Variants in PLA2G4C observed in about 807,000 individuals in gnomAD.
PLA2G4C encodes the protein cytosolic phospholipase A2 gamma.
PLA2G4C carries 64 observed loss-of-function variants against 73.8 expected under a neutral mutation model. The observed-to-expected ratio is 0.87, with a 90% CI of 0.71 to 1.07. The LOEUF (loss-of-function observed/expected upper bound fraction) is 1.07, where lower values mean the gene tolerates loss of function less well. Ranked by LOEUF, PLA2G4C falls within the 50% of genes least tolerant of loss-of-function variation. The pLI is 0.00. For synonymous variants in PLA2G4C, 254 were observed against 252.1 expected, an observed-to-expected ratio of 1.01 and a Z score of -0.07; for missense variants, 622 against 665.4, an observed-to-expected ratio of 0.93 and a Z score of 0.72.
At chr19:48,057,318 G>C (rs978676718) in intron 14 of PLA2G4C, among the ~76,000 whole-genome samples, 2 of 151,762 alleles carry the variant, frequency 1.3e-5, no homozygotes, top group Non-Finnish European at 2.9e-5. Flanking sequence ...GCCCAGTAGA[G>C]ATGTCGGAGT....
At chr19:48,094,770 GT>G (rs763899395) in intron 7 of PLA2G4C, among the ~76,000 whole-genome samples, 15 of 152,114 alleles carry the variant, frequency 9.9e-5, no homozygotes, top group Non-Finnish European at 2.1e-4. Flanking sequence ...CACTATGACT[GT>G]TTTGTTTTTG....
intron 12 of PLA2G4C, 143 bp from the exon 13 acceptor site, chr19:48,068,029 C>T (rs1175568337): frequency 1.3e-5 from 9 of 673,056 alleles, no homozygotes; most frequent in Admixed American, 2.2e-5. Flanking sequence ...TCAGGGCCGG[C>T]GCGTTGGCTC....
intron 14 of PLA2G4C, among the ~76,000 whole-genome samples, chr19:48,058,247 C>T (rs918181177): frequency 8.6e-5 from 13 of 151,530 alleles, no homozygotes; most frequent in African/African-American, 1.7e-4. Context: ...TGTGGCAAGC[C>T]GATATCGTGC....
intron 11 of PLA2G4C, among the ~76,000 whole-genome samples, chr19:48,077,056 C>T (rs988987782): frequency 2.0e-5 from 3 of 152,176 alleles, no homozygotes; most frequent in African/African-American, 7.2e-5. Context: ...TCATGACTCC[C>T]AACCTATGTA....
At chr19:48,058,686 C>T (rs181373071) in intron 14 of PLA2G4C, among the ~76,000 whole-genome samples, 29 of 151,782 alleles carry the variant, frequency 1.9e-4, no homozygotes, top group African/African-American at 4.1e-4. Context: ...GGCATGGTGG[C>T]GGGCGCCTGT....
At chr19:48,100,603 T>TCAAA (rs1568452658) in intron 4 of PLA2G4C, among the ~76,000 whole-genome samples, 2 of 40,652 alleles carry the variant, frequency 4.9e-5, no homozygotes, top group African/African-American at 1.5e-4. Flanking sequence ...TGACTCCATC[T>TCAAA]AAAAAAAAAA....
At chr19:48,107,474 G>C (rs997785451) in intron 1 of PLA2G4C, among the ~76,000 whole-genome samples, 1 of 152,192 alleles carries the variant, frequency 6.6e-6, no homozygotes, top group Non-Finnish European at 1.5e-5. Flanking sequence ...ACAAGTGTGA[G>C]CCCTCTGTCA....
At chr19:48,065,198 A>C (rs1160541305) in intron 13 of PLA2G4C, among the ~76,000 whole-genome samples, 1 of 147,308 alleles carries the variant, frequency 6.8e-6, no homozygotes, top group East Asian at 2.1e-4. Flanking sequence ...AAATATATCT[A>C]AGATATACCT....
At position 48,110,562 on chromosome 19, in the gene PLA2G4C, C is replaced by T; in HGVS notation, c.-108G>A. 1 of 1,473,780 alleles carries T rather than the reference C, an allele frequency of 6.8e-7. No individual in the cohort carries two copies. Among genetic ancestry groups the T allele is most frequent in the Non-Finnish European group, 9.0e-7 (1 of 1,107,318 alleles). 91.3% of individuals were successfully genotyped at this position (1,473,780 alleles called of 1,614,324 possible). ...GGAATCCGGTGCGGAGGCTTGGGCT[C>T]CCTGCGCTTAGCGGTGTAGTCGCTG... On this transcript the variant is annotated 5_prime_UTR_variant, in exon 1 of 17. Transcript: ENST00000599921.
rs548688675 is a variant in PLA2G4C, at chr19:48,098,713, TAAAAAAAAAAA to T, written c.448-465_448-455del. 9.1e-3 allele frequency among the ~76,000 whole-genome samples: 281 copies of T among 30,898 alleles called. 2 individuals are homozygous for T. The highest frequency in any genetic ancestry group is 0.013 in the Non-Finnish European group (223 of 16,870). The allele number at this position is 30,898 out of a possible 152,430, so 20.3% of individuals were successfully genotyped here. A position where few individuals can be genotyped will look rare whatever the true frequency, so the allele number is the denominator to read the frequency against. On this transcript the variant is annotated intron_variant, in intron 5 of 16. Coordinates refer to ENST00000599921, the MANE Select transcript of PLA2G4C (RefSeq NM_003706.3). Reference sequence around the variant, plus strand: ...GAGCAAAAAAGCGAAACCCTATCTCTAAAAAAAAAAAAAAAAAAAAAAAAAAAAAAAAAAAA... The same window carrying T: ...GAGCAAAAAAGCGAAACCCTATCTCTAAAAAAAAAAAAAAAAAAAAAAAAA...
At chr19:48,068,069 C>T (rs181523872) in intron 12 of PLA2G4C, 183 bp from the exon 13 acceptor site, 30 of 578,792 alleles carry the variant, frequency 5.2e-5, no homozygotes, top group Middle Eastern at 4.4e-4. Flanking sequence ...TTTGGGAGGC[C>T]GAGGCAGAAG....
At chr19:48,086,533 C>T (rs1014137704) in intron 9 of PLA2G4C, among the ~76,000 whole-genome samples, 3 of 152,208 alleles carry the variant, frequency 2.0e-5, no homozygotes, top group East Asian at 1.9e-4. Flanking sequence ...CCCTGCCACC[C>T]GCCCTGGTGG....
At chr19:48,089,816 A>G (rs1189646272) in intron 8 of PLA2G4C, among the ~76,000 whole-genome samples, 1 of 152,128 alleles carries the variant, frequency 6.6e-6, no homozygotes, top group Non-Finnish European at 1.5e-5. Context: ...TCCACCACCC[A>G]GTTCTCCTAT....
chr19:48,071,586 C>G (rs1236180595), intron 12 of PLA2G4C, among the ~76,000 whole-genome samples: 1 of 151,958 alleles, frequency 6.6e-6, no homozygotes. Flanking sequence ...CATGAGCCAC[C>G]ACACCCGGCC....
chr19:48,082,496 C>CTTTTTTTTTTTTT lies in PLA2G4C; in HGVS notation c.844+2550_844+2562dup, dbSNP rs66641645. On this transcript the variant is annotated intron_variant, in intron 10 of 16. Coordinates refer to ENST00000599921, the MANE Select transcript of PLA2G4C (RefSeq NM_003706.3). ...TTTTTTTCTTTTTCTTTCTTTCTTT[C>CTTTTTTTTTTTTT]TTTTTTTTTTTTTTTTTTTTGAGAC... Among the ~76,000 whole-genome samples the CTTTTTTTTTTTTT allele has an allele frequency of 1.6e-3, 166 of 106,272 alleles. 1 individual carries two copies. Among genetic ancestry groups the CTTTTTTTTTTTTT allele is most frequent in the Non-Finnish European group, 1.9e-3 (109 of 56,634 alleles). 69.7% of individuals were successfully genotyped at this position (106,272 alleles called of 152,430 possible). A position where few individuals can be genotyped will look rare whatever the true frequency, so the allele number is the denominator to read the frequency against.
chr19:48,101,127 T>TATA (rs1491266778), intron 4 of PLA2G4C, among the ~76,000 whole-genome samples: 43 of 43,362 alleles, frequency 9.9e-4, no homozygotes, highest in Admixed American at 1.7e-3. Context: ...TATATATATA[T>TATA]TTTTTTTTTT....
chr19:48,075,009 C>G lies in PLA2G4C; in HGVS notation c.899-135G>C, dbSNP rs2030043507. On this transcript the variant is annotated intron_variant, in intron 11 of 16. Coordinates refer to ENST00000599921, the MANE Select transcript of PLA2G4C (RefSeq NM_003706.3). ...GTGACCTCCTTCTCCAGGTGACCCTCTCTCCCCTTGCCTTCTGCTGACCCC... is the reference window on the plus strand; with the variant it reads ...GTGACCTCCTTCTCCAGGTGACCCTGTCTCCCCTTGCCTTCTGCTGACCCC... The G allele has an allele frequency of 3.3e-5, 19 of 576,462 alleles. No individual in the cohort carries two copies. The South Asian group carries it at 4.0e-4, about 12-fold the overall frequency. 35.7% of individuals were successfully genotyped at this position (576,462 alleles called of 1,614,324 possible).
At chr19:48,106,409 T>C (rs1449936178) in intron 2 of PLA2G4C, 113 bp downstream of exon 2, 3 of 863,114 alleles carry the variant, frequency 3.5e-6, no homozygotes, top group Non-Finnish European at 5.8e-6. Flanking sequence ...TCTTTCCATC[T>C]ATCTCCACCA....
intron 10 of PLA2G4C, among the ~76,000 whole-genome samples, chr19:48,078,614 C>T (rs1469496357): frequency 6.6e-6 from 1 of 152,144 alleles, no homozygotes; most frequent in Non-Finnish European, 1.5e-5. Context: ...ACCCCTTTTA[C>T]AACAGCTGCA....
Sources: allele counts gnomAD v4.1 joint callset (sites outside exome capture counted in the v4.1 genomes callset), GRCh38; gene constraint gnomAD v4.1.1; transcripts MANE v1.5; gene names NCBI Gene and HGNC (gene_info 2026-07-23, HGNC 2026-07-21).